The following MSRA variants were observed in gnomAD, a reference collection of about 807,000 sequenced individuals.
The protein encoded by MSRA is mitochondrial peptide methionine sulfoxide reductase.
Under a neutral mutation model 31.3 loss-of-function variants are expected in MSRA, and 54 were observed. The observed-to-expected ratio is 1.73, with a 90% CI of 1.39 to 2.17. The LOEUF (loss-of-function observed/expected upper bound fraction) is 2.17. Ranked by LOEUF, MSRA falls within the 30% of genes most tolerant of loss-of-function variation. MSRA has a pLI of 0.00. For synonymous variants in MSRA, 169 were observed against 116.5 expected, an observed-to-expected ratio of 1.45 and a Z score of -2.90; for missense variants, 507 against 300.9, an observed-to-expected ratio of 1.69 and a Z score of -5.07.
At chr8:10,384,091 G>A (rs1806239868) in intron 5 of MSRA, among the ~76,000 whole-genome samples, 1 of 152,152 alleles carries the variant, frequency 6.6e-6, no homozygotes, top group Admixed American at 6.5e-5. Context: ...TTAGCTGCCA[G>A]TTTCAGGCCA....
At chr8:10,138,866 C>A (rs894834472) in intron 1 of MSRA, among the ~76,000 whole-genome samples, 1 of 151,630 alleles carries the variant, frequency 6.6e-6, no homozygotes, top group Non-Finnish European at 1.5e-5. Flanking sequence ...ATGATAGCAG[C>A]AGCAGCAGCA....
chr8:10,130,404 G>C (rs1371857635), intron 1 of MSRA, among the ~76,000 whole-genome samples: 1 of 152,228 alleles, frequency 6.6e-6, no homozygotes, highest in Non-Finnish European at 1.5e-5. Context: ...TTCTAGACAT[G>C]TTAAGCTCTA....
At chr8:10,189,778 G>C (rs943917551) in intron 1 of MSRA, among the ~76,000 whole-genome samples, 1 of 152,128 alleles carries the variant, frequency 6.6e-6, no homozygotes, top group Non-Finnish European at 1.5e-5. Flanking sequence ...AAGGGGATCT[G>C]TCTCTAGTTT....
intron 3 of MSRA, among the ~76,000 whole-genome samples, chr8:10,263,355 G>C (rs1211312020): frequency 6.6e-6 from 1 of 152,114 alleles, no homozygotes; most frequent in Non-Finnish European, 1.5e-5. Flanking sequence ...TTCTCAGAGT[G>C]CTTCAGTGCT....
Position 10,323,745 on chromosome 8 carries a change from C to CGTGTGTGTGTGTGTGTGTGTGTGTGT in MSRA, c.543+3761_543+3786dup, listed in dbSNP as rs10643873. 7.0e-4 allele frequency among the ~76,000 whole-genome samples: 100 copies of CGTGTGTGTGTGTGTGTGTGTGTGTGT among 142,658 alleles called. 1 individual carries two copies. Among genetic ancestry groups the CGTGTGTGTGTGTGTGTGTGTGTGTGT allele is most frequent in the Non-Finnish European group, 1.2e-3 (77 of 65,344 alleles). 93.6% of individuals were successfully genotyped at this position (142,658 alleles called of 152,430 possible). A position where few individuals can be genotyped will look rare whatever the true frequency, so the allele number is the denominator to read the frequency against. The stretch of plus-strand genomic sequence containing the variant: ...AACCCAAGCACATGGGAATTAAATA[C>CGTGTGTGTGTGTGTGTGTGTGTGTGT]GTGTGTGTGTGTGTGTGTGTGTGTG... On this transcript the variant is annotated intron_variant, in intron 5 of 5. Coordinates refer to ENST00000317173, the MANE Select transcript of MSRA (RefSeq NM_012331.5).
At chr8:10,111,568 A>C (rs1250645556) in intron 1 of MSRA, among the ~76,000 whole-genome samples, 1 of 152,166 alleles carries the variant, frequency 6.6e-6, no homozygotes, top group Non-Finnish European at 1.5e-5. Context: ...ACTTTTTCTT[A>C]TATAGCGTTA....
intron 1 of MSRA, among the ~76,000 whole-genome samples, chr8:10,060,669 G>T (rs555526665): frequency 1.0e-4 from 14 of 139,986 alleles, no homozygotes; most frequent in East Asian, 2.1e-4. Context: ...GCTCTTTCTT[G>T]TCAAGTACAT....
intron 5 of MSRA, chr8:10,411,377 A>T (rs1808150019): frequency 6.6e-6 from 1 of 152,202 alleles, no homozygotes; most frequent in Admixed American, 6.5e-5. Flanking sequence ...TTCACTGCGT[A>T]TTCTTAACCA....
At chr8:10,124,430 C>A (rs1001074649) in intron 1 of MSRA, among the ~76,000 whole-genome samples, 6 of 152,172 alleles carry the variant, frequency 3.9e-5, no homozygotes, top group African/African-American at 1.4e-4. Flanking sequence ...AAAATTTGTG[C>A]TTTTGATTAG....
rs541438541 is a variant in MSRA, at chr8:10,344,540, ACT to A, written c.543+24553_543+24554del. ...ATCAATCCGAGATTGCGCCACTGAC[ACT>A]CCAGCCTGGGTGACAGAGGGAGACT... On this transcript the variant is annotated intron_variant, in intron 5 of 5. Transcript: ENST00000317173. Among the ~76,000 whole-genome samples the A allele has an allele frequency of 4.4e-3, 555 of 127,032 alleles. 5 individuals are homozygous for A. The highest frequency in any genetic ancestry group is 0.036 in the Middle Eastern group (6 of 166). The allele number at this position is 127,032 out of a possible 152,430, so 83.3% of individuals were successfully genotyped here.
chr8:10,361,860 C>A (rs1335386768), intron 5 of MSRA, among the ~76,000 whole-genome samples: 1 of 152,148 alleles, frequency 6.6e-6, no homozygotes, highest in Non-Finnish European at 1.5e-5. Flanking sequence ...ATCGTACTGT[C>A]ATCCTTTAAA....
chr8:10,188,353 G>A (rs1183162836), intron 1 of MSRA, among the ~76,000 whole-genome samples: 1 of 152,144 alleles, frequency 6.6e-6, no homozygotes, highest in Non-Finnish European at 1.5e-5. Flanking sequence ...ACTTCCTCAT[G>A]TTATCGTTTA....
chr8:10,383,182 G>A (rs1365597507), intron 5 of MSRA, among the ~76,000 whole-genome samples: 4 of 152,228 alleles, frequency 2.6e-5, no homozygotes, highest in Admixed American at 2.6e-4. Flanking sequence ...CCATCTGGAA[G>A]GGCAAGAAGG....
intron 1 of MSRA, among the ~76,000 whole-genome samples, chr8:10,072,641 A>C (rs950309184): frequency 6.6e-6 from 1 of 152,208 alleles, no homozygotes; most frequent in African/African-American, 2.4e-5. Context: ...ACTCTCTGTC[A>C]ACAGAAAAAC....
chr8:10,371,589 G>A (rs1282005720), intron 5 of MSRA, among the ~76,000 whole-genome samples: 1 of 152,188 alleles, frequency 6.6e-6, no homozygotes, highest in East Asian at 1.9e-4. Context: ...AGCAGAGACA[G>A]TGTTTGGATC....
At chr8:10,091,304 A>G (rs1052683781) in intron 1 of MSRA, among the ~76,000 whole-genome samples, 3 of 152,246 alleles carry the variant, frequency 2.0e-5, no homozygotes, top group African/African-American at 7.2e-5. Context: ...TATGGTGTAT[A>G]ACATATTTGC....
intron 5 of MSRA, among the ~76,000 whole-genome samples, chr8:10,329,100 C>T (rs1407016643): frequency 6.6e-6 from 1 of 152,216 alleles, no homozygotes; most frequent in Non-Finnish European, 1.5e-5. Flanking sequence ...ATAGATGAAA[C>T]TGCCTTCCTC....
At chr8:10,218,250 G>C (rs1031534222) in intron 2 of MSRA, among the ~76,000 whole-genome samples, 1 of 151,752 alleles carries the variant, frequency 6.6e-6, no homozygotes, top group African/African-American at 2.4e-5. Flanking sequence ...AGGTTCAAGC[G>C]ATTCTTTTCC....
At chr8:10,354,440 G>A (rs1040992753) in intron 5 of MSRA, among the ~76,000 whole-genome samples, 2 of 152,126 alleles carry the variant, frequency 1.3e-5, no homozygotes, top group Admixed American at 6.5e-5. Flanking sequence ...ACAGAACTTT[G>A]TTTTACTTTT....
Sources: allele counts gnomAD v4.1 joint callset (sites outside exome capture counted in the v4.1 genomes callset), GRCh38; gene constraint gnomAD v4.1.1; transcripts MANE v1.5; gene names NCBI Gene and HGNC (gene_info 2026-07-23, HGNC 2026-07-21).